MYO3B: variants seen among roughly 807,000 people sequenced by gnomAD.
MYO3B encodes myosin-IIIb.
Under a neutral mutation model 174.6 loss-of-function variants are expected in MYO3B, and 156 were observed. The ratio of observed to expected loss-of-function variants is 0.89; its 90% CI spans 0.78 to 1.02. The LOEUF is 1.02. Ranked by LOEUF, MYO3B falls within the 50% of genes least tolerant of loss-of-function variation. The probability of loss-of-function intolerance (pLI) is 0.00; values close to 1 mark genes in which losing one functional copy is unlikely to be tolerated. For missense variants in MYO3B, 1,632 were observed against 1,639.4 expected, an observed-to-expected ratio of 1.00 and a Z score of 0.08; for synonymous variants, 563 against 569.1, an observed-to-expected ratio of 0.99 and a Z score of 0.15.
chr2:170,195,680 G>A (rs957235570), intron 1 of MYO3B, among the ~76,000 whole-genome samples: 1 of 152,112 alleles, frequency 6.6e-6, no homozygotes, highest in Admixed American at 6.5e-5. Flanking sequence ...TTGGGCTTTG[G>A]GAGTTTTAGG....
chr2:170,370,701 C>A lies in MYO3B; in HGVS notation c.971+1324C>A, dbSNP rs193086014. Among the ~76,000 whole-genome samples, 97 of 146,242 alleles carry A rather than the reference C, an allele frequency of 6.6e-4. No individual in the cohort carries two copies. The East Asian group carries it at 9.7e-3, about 15-fold the overall frequency. ...GCACCACCACCACCAAAAATGAAGA[C>A]GAAGTAAAAGAAAATACAAACCAAG... is the stretch of plus-strand genomic sequence containing the variant. On this transcript the variant is annotated intron_variant, in intron 9 of 34. Transcript: ENST00000408978.
intron 25 of MYO3B, among the ~76,000 whole-genome samples, chr2:170,491,033 C>T (rs1559051772): frequency 6.6e-6 from 1 of 151,944 alleles, no homozygotes; most frequent in Non-Finnish European, 1.5e-5. Flanking sequence ...TCATCAGTTG[C>T]TTTCCTATTT....
At chr2:170,308,796 A>C (rs1272683224) in intron 7 of MYO3B, among the ~76,000 whole-genome samples, 7 of 152,164 alleles carry the variant, frequency 4.6e-5, no homozygotes, top group Non-Finnish European at 7.4e-5. Flanking sequence ...CAAGAAAGAC[A>C]ACATCAAAGC....
intron 13 of MYO3B, 92 bp from the exon 14 acceptor site, chr2:170,387,014 T>C (rs932264329): frequency 4.1e-5 from 51 of 1,237,684 alleles, no homozygotes; most frequent in Middle Eastern, 2.0e-4. Flanking sequence ...AAAAAGACCA[T>C]GTGGATTTTG....
At chr2:170,388,715 C>G (rs1163291281) in intron 14 of MYO3B, among the ~76,000 whole-genome samples, 1 of 152,076 alleles carries the variant, frequency 6.6e-6, no homozygotes, top group Non-Finnish European at 1.5e-5. Context: ...AGAACGCTGG[C>G]CTAGACTAAG....
intron 32 of MYO3B, among the ~76,000 whole-genome samples, chr2:170,565,873 A>G (rs1376419194): frequency 6.6e-6 from 1 of 152,236 alleles, no homozygotes; most frequent in African/African-American, 2.4e-5. Context: ...ATTGATAAGC[A>G]TAATCATTTT....
intron 25 of MYO3B, among the ~76,000 whole-genome samples, chr2:170,488,473 A>G (rs1686213695): frequency 6.6e-6 from 1 of 151,834 alleles, no homozygotes; most frequent in Non-Finnish European, 1.5e-5. Flanking sequence ...TCCCTTGTTA[A>G]AAAAAAATGT....
intron 9 of MYO3B, among the ~76,000 whole-genome samples, chr2:170,379,142 A>C (rs1348091761): frequency 6.6e-6 from 1 of 152,178 alleles, no homozygotes; most frequent in Non-Finnish European, 1.5e-5. Flanking sequence ...GAAGGAGACA[A>C]ACTAGCTGAA....
At chr2:170,385,610 C>T (rs899763060) in intron 12 of MYO3B, among the ~76,000 whole-genome samples, 2 of 152,058 alleles carry the variant, frequency 1.3e-5, no homozygotes, top group African/African-American at 4.8e-5. Flanking sequence ...ACAATACGGA[C>T]AGGTCATGTA....
chr2:170,504,659 C>T (rs1270958885), intron 28 of MYO3B, among the ~76,000 whole-genome samples: 3 of 152,166 alleles, frequency 2.0e-5, no homozygotes, highest in African/African-American at 4.8e-5. Flanking sequence ...AAGGACTGGG[C>T]GGCCACCATT....
chr2:170,556,881 T>C (rs1191502714), intron 32 of MYO3B, among the ~76,000 whole-genome samples: 3 of 152,240 alleles, frequency 2.0e-5, no homozygotes, highest in Admixed American at 2.0e-4. Context: ...TGCAATTCAC[T>C]GATAACATGA....
chr2:170,563,269 G>A (rs914329896), intron 32 of MYO3B, among the ~76,000 whole-genome samples: 1 of 152,140 alleles, frequency 6.6e-6, no homozygotes, highest in African/African-American at 2.4e-5. Flanking sequence ...GCAAGATATA[G>A]TGAAACCATA....
chr2:170,563,808 C>G (rs1185570119), intron 32 of MYO3B, among the ~76,000 whole-genome samples: 1 of 152,132 alleles, frequency 6.6e-6, no homozygotes, highest in Admixed American at 6.5e-5. Flanking sequence ...GGAGCTCCAG[C>G]CATCATGGCT....
At chr2:170,333,297 A>T (rs2093924752) in intron 7 of MYO3B, among the ~76,000 whole-genome samples, 1 of 152,174 alleles carries the variant, frequency 6.6e-6, no homozygotes, top group Non-Finnish European at 1.5e-5. Flanking sequence ...ACTGAAGCTG[A>T]ACTTATGTGA....
intron 32 of MYO3B, among the ~76,000 whole-genome samples, chr2:170,587,782 A>G (rs2098350): frequency 0.35 from 53,561 of 152,070 alleles, 11,766 homozygotes; most frequent in African/African-American, 0.62. Flanking sequence ...TGTTAGCTGT[A>G]GATGATTTAA....
At chr2:170,442,009 A>T (rs1264703660) in intron 22 of MYO3B, among the ~76,000 whole-genome samples, 1 of 152,298 alleles carries the variant, frequency 6.6e-6, no homozygotes, top group East Asian at 1.9e-4. Context: ...ATTCAAGATG[A>T]AGTTGCTGTG....
At chr2:170,439,297 A>G (rs1288372954) in intron 22 of MYO3B, among the ~76,000 whole-genome samples, 3 of 151,876 alleles carry the variant, frequency 2.0e-5, no homozygotes, top group Admixed American at 1.3e-4. Context: ...GCGTGAACCC[A>G]GGAAGTAGAG....
intron 32 of MYO3B, among the ~76,000 whole-genome samples, chr2:170,547,899 G>C (rs1454669958): frequency 6.6e-6 from 1 of 152,010 alleles, no homozygotes; most frequent in African/African-American, 2.4e-5. Flanking sequence ...CAGGCGTAGA[G>C]GGTGAGTTTG....
chr2:170,220,017 G>A (rs954167205), intron 6 of MYO3B, among the ~76,000 whole-genome samples: 1 of 152,194 alleles, frequency 6.6e-6, no homozygotes, highest in African/African-American at 2.4e-5. Flanking sequence ...CCAGCACTTT[G>A]GGAGGCCAAG....
Sources: allele counts gnomAD v4.1 joint callset (sites outside exome capture counted in the v4.1 genomes callset), GRCh38; gene constraint gnomAD v4.1.1; transcripts MANE v1.5; gene names NCBI Gene and HGNC (gene_info 2026-07-23, HGNC 2026-07-21).